The following TNRC6C variants were observed in gnomAD, a reference collection of about 807,000 sequenced individuals.
TNRC6C encodes the protein trinucleotide repeat-containing gene 6C protein.
Under a neutral mutation model 153.7 loss-of-function variants are expected in TNRC6C, and 20 were observed. The observed-to-expected ratio is 0.13, with a 90% CI of 0.09 to 0.19. The LOEUF is 0.19. Ranked by LOEUF, TNRC6C falls within the 10% of genes least tolerant of loss-of-function variation. The pLI, the probability that TNRC6C is intolerant of heterozygous loss-of-function variation, is 1.00. For missense variants in TNRC6C, 1,987 were observed against 2,172.0 expected (o/e 0.91, Z 1.69); for synonymous variants, 811 against 841.4 (o/e 0.96, Z 0.63).
rs143486454 is a variant in TNRC6C at position 77,975,321 on chromosome 17, A to T, written c.-38+16053A>T. 1.3e-3 allele frequency among the ~76,000 whole-genome samples: 195 copies of T among 152,370 alleles called. 1 individual carries two copies. Among genetic ancestry groups the T allele is most frequent in the African/African-American group, 4.4e-3 (185 of 41,584 alleles). On this transcript the variant is annotated intron_variant, in intron 1 of 22. Transcript: ENST00000636222. ...AGTATAACATTCAATAAATGTTGATATACATATATATCTGTGAAACTACAG... is the reference window on the plus strand; with the variant it reads ...AGTATAACATTCAATAAATGTTGATTTACATATATATCTGTGAAACTACAG...
chr17:78,077,185 G>C, exon 9 of TNRC6C: 2 of 1,599,488 alleles, frequency 1.3e-6, no homozygotes, highest in Non-Finnish European at 1.7e-6. Context: ...CTCCAATCAG[G>C]ATGGCGGCCT....
intron 2 of TNRC6C, among the ~76,000 whole-genome samples, chr17:78,047,037 C>A (rs971291656): frequency 1.3e-5 from 2 of 151,898 alleles, no homozygotes; most frequent in Non-Finnish European, 2.9e-5. Context: ...AGGTTGTTAA[C>A]CCCCTGCTTT....
In TNRC6C at chr17:78,042,971, C is replaced by T. The variant is rs145113550; in HGVS notation, c.-218-5874C>T. Among the ~76,000 whole-genome samples the T allele has an allele frequency of 1.7e-3, 255 of 152,206 alleles. 1 individual carries two copies. The highest frequency in any genetic ancestry group is 5.6e-3 in the African/African-American group (233 of 41,502). On this transcript the variant is annotated intron_variant, in intron 2 of 19. Transcript: ENST00000301624. ...GTATGTATAATTTTCAGAGAGATTC[C>T]TAAGCCTACCCTTCAAAAAAGAGCT... is the stretch of plus-strand genomic sequence containing the variant.
At chr17:78,072,329 T>C (rs1295878892) in intron 6 of TNRC6C, among the ~76,000 whole-genome samples, 1 of 152,226 alleles carries the variant, frequency 6.6e-6, no homozygotes, top group Non-Finnish European at 1.5e-5. Context: ...TGAATCTACT[T>C]GTTTTGTTTT....
In TNRC6C at chr17:77,985,601, CAAAAA is replaced by C. The variant is rs1229331703; in HGVS notation, c.-37-18558_-37-18554del. Among the ~76,000 whole-genome samples the C allele has an allele frequency of 4.2e-5, 4 of 96,264 alleles. 1 individual carries two copies. The highest frequency in any genetic ancestry group is 1.7e-4 in the African/African-American group (4 of 23,820). The allele number at this position is 96,264 out of a possible 152,430, so 63.2% of individuals were successfully genotyped here. A position where few individuals can be genotyped will look rare whatever the true frequency, so the allele number is the denominator to read the frequency against. Reference sequence around the variant, plus strand: ...TGGGCAACAGAGCGAGACTCCGTCTCAAAAAAAAAAAAAAACCAGCAACTGTGTTG... The same window carrying C: ...TGGGCAACAGAGCGAGACTCCGTCTCAAAAAAAAAACCAGCAACTGTGTTG... On this transcript the variant is annotated intron_variant, in intron 1 of 22. Coordinates refer to the TNRC6C transcript ENST00000636222.
rs917434954 is a variant in TNRC6C at position 78,104,884 on chromosome 17, C to T, written c.*39C>T. 5.8e-6 allele frequency: 8 copies of T among 1,383,558 alleles called. No homozygotes were observed. The highest frequency in any genetic ancestry group is 1.7e-5 in the South Asian group (1 of 60,448). 85.7% of individuals were successfully genotyped at this position (1,383,558 alleles called of 1,614,324 possible). A position where few individuals can be genotyped will look rare whatever the true frequency, so the allele number is the denominator to read the frequency against. ...CAGCACCAGGAGAGCCGACCCCTCCCGGGACCCCTCCCGGCTGGGCGGCCC... is the reference window on the plus strand; with the variant it reads ...CAGCACCAGGAGAGCCGACCCCTCCTGGGACCCCTCCCGGCTGGGCGGCCC... On this transcript the variant is annotated 3_prime_UTR_variant, in exon 20 of 20. Coordinates refer to ENST00000301624, the Ensembl canonical transcript of TNRC6C. This position sits in a 1 kb window ranked among gnomAD's most constrained non-coding sequence, Gnocchi z 6.2.
intron 2 of TNRC6C, among the ~76,000 whole-genome samples, chr17:78,036,007 T>A (rs1401723477): frequency 6.6e-6 from 1 of 152,198 alleles, no homozygotes; most frequent in Non-Finnish European, 1.5e-5. Context: ...CATGATTACA[T>A]TTCTCTAACT....
chr17:77,976,755 C>G (rs9900316), intron 1 of TNRC6C, among the ~76,000 whole-genome samples: 2,316 of 151,606 alleles, frequency 0.015, 70 homozygotes, highest in African/African-American at 0.053. Flanking sequence ...ATGGTGAAAC[C>G]CCATCTCTAC....
In TNRC6C at chr17:77,984,579, G is replaced by A. The variant is rs192302294; in HGVS notation, c.-37-19591G>A. Reference sequence around the variant, plus strand: ...CTTCAGTGCGTGTGCTTTTGGTGCAGCAGTCAGCAGGCTGGCATAGGAGAG... The same window carrying A: ...CTTCAGTGCGTGTGCTTTTGGTGCAACAGTCAGCAGGCTGGCATAGGAGAG... On this transcript the variant is annotated intron_variant, in intron 1 of 22. Coordinates refer to the TNRC6C transcript ENST00000636222. Among the ~76,000 whole-genome samples the A allele has an allele frequency of 2.9e-3, 445 of 152,298 alleles. 2 individuals are homozygous for A. Among genetic ancestry groups the A allele is most frequent in the African/African-American group, 0.01 (427 of 41,556 alleles).
chr17:78,015,092 A>G (rs1598688940), intron 1 of TNRC6C, among the ~76,000 whole-genome samples: 1 of 152,228 alleles, frequency 6.6e-6, no homozygotes, highest in East Asian at 1.9e-4. Flanking sequence ...GTAAATTTAA[A>G]ATGTTAAGAA....
At position 78,058,350 on chromosome 17, in the gene TNRC6C, T is replaced by C. The variant is rs117429831; in HGVS notation, c.2396-6372T>C. 9.5e-3 allele frequency among the ~76,000 whole-genome samples: 1,440 copies of C among 152,294 alleles called. 15 individuals are homozygous for C. Among genetic ancestry groups the C allele is most frequent in the South Asian group, 0.037 (178 of 4,826 alleles). Reference sequence around the variant, plus strand: ...GATTACCTCGCATACTCAGACATAATATTCTGGGACACTTAAAAACCAACT... The same window carrying C: ...GATTACCTCGCATACTCAGACATAACATTCTGGGACACTTAAAAACCAACT... On this transcript the variant is annotated intron_variant, in intron 3 of 19. Coordinates refer to ENST00000301624, the Ensembl canonical transcript of TNRC6C.
Position 78,049,772 on chromosome 17 carries a change from G to A in TNRC6C, c.710G>A (p.Ser237Asn), listed in dbSNP as rs1249664416. ...AATGGATCATCAGTTTCTCAAGTCAGTGGGGGCAGTGCTGAAGGAATAAGC... is the reference window on the plus strand; with the variant it reads ...AATGGATCATCAGTTTCTCAAGTCAATGGGGGCAGTGCTGAAGGAATAAGC... The change falls in exon 3 of 20, where the codon AGT becomes AAT. Residue 237 changes from serine to asparagine, a missense_variant. Ser to Asn is a conservative substitution (Grantham distance 46). Around this residue, in one of 4 missense-constraint regions of TNRC6C, gnomAD observed 1,052 missense variants for 1,017.0 expected, o/e 1.03. Transcript: ENST00000301624. This position sits in a 1 kb window ranked among gnomAD's most constrained non-coding sequence, Gnocchi z 4.1. 1 of 1,591,652 alleles carries A rather than the reference G, an allele frequency of 6.3e-7. No homozygotes were observed. Among genetic ancestry groups the A allele is most frequent in the African/African-American group, 1.3e-5 (1 of 74,588 alleles).
At chr17:78,054,674 GGAGA>G (rs1207503164) in intron 3 of TNRC6C, among the ~76,000 whole-genome samples, 2 of 150,396 alleles carry the variant, frequency 1.3e-5, no homozygotes, top group African/African-American at 5.0e-5. Context: ...GTACGCTACT[GGAGA>G]CTACTGCAGA....
intron 1 of TNRC6C, among the ~76,000 whole-genome samples, chr17:77,971,482 A>G (rs986973260): frequency 6.6e-6 from 1 of 152,082 alleles, no homozygotes; most frequent in Non-Finnish European, 1.5e-5. Context: ...CAATATTTCC[A>G]TATCCAGTTG....
chr17:77,988,945 A>G (rs2071211249), intron 1 of TNRC6C, among the ~76,000 whole-genome samples: 1 of 152,248 alleles, frequency 6.6e-6, no homozygotes, highest in South Asian at 2.1e-4. Flanking sequence ...GACCTAGAAC[A>G]TCATGTGGCA....
chr17:77,993,732 T>C lies in TNRC6C; in HGVS notation c.-37-10438T>C, dbSNP rs185325553. On this transcript the variant is annotated intron_variant, in intron 1 of 22. Transcript: ENST00000636222. ...TGTTTGAAAACAGGAAATTAAAATG[T>C]TTTTCTGTTAATTGATATTTTTCAG... Among the ~76,000 whole-genome samples the C allele has an allele frequency of 1.7e-3, 255 of 152,300 alleles. 1 individual carries two copies. The highest frequency in any genetic ancestry group is 5.6e-3 in the African/African-American group (234 of 41,564).
At chr17:77,969,353 G>A (rs976464994) in intron 1 of TNRC6C, among the ~76,000 whole-genome samples, 4 of 151,918 alleles carry the variant, frequency 2.6e-5, no homozygotes, top group African/African-American at 9.7e-5. Context: ...GGGTTCAAGC[G>A]AGTCTCCTGC....
At chr17:78,068,029 A>AGT (rs1486471597) in intron 5 of TNRC6C, 106 bp downstream of exon 7, 31 of 1,384,002 alleles carry the variant, frequency 2.2e-5, no homozygotes, top group African/African-American at 2.9e-5. Context: ...AGGTTCTCAA[A>AGT]GTAGTCTTAG....
At chr17:78,042,613 A>G (rs2072319504) in intron 2 of TNRC6C, among the ~76,000 whole-genome samples, 1 of 141,228 alleles carries the variant, frequency 7.1e-6, no homozygotes, top group African/African-American at 2.6e-5. Context: ...CTGCATTTTC[A>G]TTTTTGGAGT....
Sources: allele counts gnomAD v4.1 joint callset (sites outside exome capture counted in the v4.1 genomes callset), GRCh38; gene constraint gnomAD v4.1.1; regional missense constraint gnomAD v4.1.1; non-coding constraint Gnocchi (gnomAD v3.1); transcripts MANE v1.5; gene names NCBI Gene and HGNC (gene_info 2026-07-23, HGNC 2026-07-21).